ADAMTSL3: variants seen among roughly 807,000 people sequenced by gnomAD.
ADAMTSL3 encodes the protein ADAMTS-like protein 3.
ADAMTSL3 carries 128 observed loss-of-function variants against 201.7 expected under a neutral mutation model. That is an observed-to-expected ratio of 0.63 (90% CI 0.55 to 0.73). The LOEUF (loss-of-function observed/expected upper bound fraction) is 0.73, where lower values mean the gene tolerates loss of function less well. Among genes scored for constraint, ADAMTSL3 ranks in the 30% least tolerant of loss-of-function variants. The pLI, the probability that ADAMTSL3 is intolerant of heterozygous loss-of-function variation, is 0.00. For missense variants in ADAMTSL3, 1,990 were observed against 2,119.6 expected (o/e 0.94, Z 1.20); for synonymous variants, 738 against 748.4 (o/e 0.99, Z 0.23).
chr15:83,770,181 G>GA (rs2062957214), intron 3 of ADAMTSL3, among the ~76,000 whole-genome samples: 1 of 152,076 alleles, frequency 6.6e-6, no homozygotes, highest in Admixed American at 6.5e-5. Flanking sequence ...ATACATGCAT[G>GA]AAAAATGATA....
intron 3 of ADAMTSL3, among the ~76,000 whole-genome samples, chr15:83,713,332 G>C (rs1440383961): frequency 6.6e-6 from 1 of 152,188 alleles, no homozygotes; most frequent in Non-Finnish European, 1.5e-5. Flanking sequence ...CTCTGCGACT[G>C]AATGTGTGTT....
At chr15:83,801,472 G>A (rs2063512311) in intron 4 of ADAMTSL3, among the ~76,000 whole-genome samples, 1 of 150,880 alleles carries the variant, frequency 6.6e-6, no homozygotes, top group Non-Finnish European at 1.5e-5. Flanking sequence ...GAGAGTTTGA[G>A]AAAAACTGCA....
At chr15:83,804,319 A>T (rs1156786305) in intron 4 of ADAMTSL3, among the ~76,000 whole-genome samples, 2 of 152,190 alleles carry the variant, frequency 1.3e-5, no homozygotes, top group African/African-American at 4.8e-5. Context: ...TTCATTATAG[A>T]AAAGAATACA....
chr15:83,820,023 C>T lies in ADAMTSL3; in HGVS notation c.576C>T (p.Asp192=), dbSNP rs776025603. 37 of 1,614,140 alleles carry T rather than the reference C, an allele frequency of 2.3e-5. No homozygotes were observed. Among genetic ancestry groups the T allele is most frequent in the Non-Finnish European group, 2.9e-5 (34 of 1,180,010 alleles). ...DGTRCNTDSL[D]MCISGICQAV... is the part of the protein sequence containing the mutation. The stretch of plus-strand genomic sequence containing the variant: ...CTCGTTGCAACACGGACTCCTTGGA[C>T]ATGTGTATCAGTGGCATCTGTCAGG... The change falls in exon 6 of 30, where the codon GAC becomes GAT. Residue 192 remains aspartate (D), a synonymous_variant. Coordinates refer to ENST00000286744, the MANE Select transcript of ADAMTSL3 (RefSeq NM_207517.3).
chr15:83,685,983 TC>T (rs1555430090), intron 2 of ADAMTSL3, among the ~76,000 whole-genome samples: 2 of 148,602 alleles, frequency 1.3e-5, no homozygotes, highest in Non-Finnish European at 3.0e-5. Flanking sequence ...CTTTCCAGCC[TC>T]TTGCTGGCAG....
At chr15:83,786,636 C>T (rs573256194) in intron 4 of ADAMTSL3, among the ~76,000 whole-genome samples, 3 of 152,038 alleles carry the variant, frequency 2.0e-5, no homozygotes, top group Admixed American at 6.6e-5. Context: ...TTCTTTCCTT[C>T]GCTTCAAACC....
chr15:83,958,618 A>C (rs564305372), intron 19 of ADAMTSL3, among the ~76,000 whole-genome samples: 2 of 152,336 alleles, frequency 1.3e-5, no homozygotes, highest in South Asian at 4.1e-4. Context: ...ACCTCCAAAA[A>C]GATACAGTAA....
intron 2 of ADAMTSL3, among the ~76,000 whole-genome samples, chr15:83,679,770 A>G (rs542909339): frequency 5.3e-5 from 8 of 152,104 alleles, no homozygotes; most frequent in Admixed American, 5.2e-4. Context: ...CCCCCACTCT[A>G]TTTGTGAGGG....
At chr15:83,830,719 A>G (rs2064138244) in intron 6 of ADAMTSL3, among the ~76,000 whole-genome samples, 1 of 152,218 alleles carries the variant, frequency 6.6e-6, no homozygotes, top group South Asian at 2.1e-4. Flanking sequence ...GTTTAAAATC[A>G]GGGTATCAGC....
intron 3 of ADAMTSL3, among the ~76,000 whole-genome samples, chr15:83,729,748 T>A (rs1161308611): frequency 6.6e-6 from 1 of 152,110 alleles, no homozygotes; most frequent in East Asian, 1.9e-4. Context: ...ACTCCAGAAT[T>A]GGTCACTGGT....
At chr15:83,885,545 T>C (rs73441315) in intron 10 of ADAMTSL3, among the ~76,000 whole-genome samples, 39 of 152,292 alleles carry the variant, frequency 2.6e-4, no homozygotes, top group African/African-American at 8.7e-4. Flanking sequence ...TAATTTTCTA[T>C]GAAAAATCTG....
intron 11 of ADAMTSL3, 27 bp from the exon 12 acceptor site, chr15:83,891,302 A>C (rs1440717392): frequency 6.5e-7 from 1 of 1,543,996 alleles, no homozygotes; most frequent in South Asian, 1.1e-5. Flanking sequence ...TATAGAAATG[A>C]TATTCTCACA....
chr15:83,945,924 C>A (rs2066647011), intron 19 of ADAMTSL3: 1 of 152,160 alleles, frequency 6.6e-6, no homozygotes, highest in African/African-American at 2.4e-5. Flanking sequence ...GGTGAGTTAG[C>A]CCTTACATGT....
intron 3 of ADAMTSL3, among the ~76,000 whole-genome samples, chr15:83,707,865 C>G (rs1348057105): frequency 6.6e-6 from 1 of 152,160 alleles, no homozygotes; most frequent in Non-Finnish European, 1.5e-5. Flanking sequence ...TTGCAGCATA[C>G]TGGGTGGCAT....
intron 27 of ADAMTSL3, among the ~76,000 whole-genome samples, chr15:84,030,414 C>T (rs753348215): frequency 2.6e-5 from 4 of 152,262 alleles, no homozygotes; most frequent in Middle Eastern, 3.4e-3. Flanking sequence ...GAGATCATAT[C>T]GGAACTTTAA....
In ADAMTSL3 at chr15:84,021,735, A is replaced by G. The variant is rs145813726; in HGVS notation, c.4457+142A>G. The G allele has an allele frequency of 4.2e-3, 3,718 of 895,814 alleles. 15 individuals carry two copies. Among genetic ancestry groups the G allele is most frequent in the Middle Eastern group, 5.3e-3 (15 of 2,840 alleles). 55.5% of individuals were successfully genotyped at this position (895,814 alleles called of 1,614,324 possible). On this transcript the variant is annotated intron_variant, in intron 26 of 29. Transcript: ENST00000286744. ...CTAGGCATCCTGCTAAGTGCTTTAC[A>G]TGGATCACAGTGTCCTGTGAGGTAG...
chr15:83,774,403 T>C (rs2063037407), intron 4 of ADAMTSL3, among the ~76,000 whole-genome samples: 1 of 152,244 alleles, frequency 6.6e-6, no homozygotes, highest in South Asian at 2.1e-4. Flanking sequence ...ATATTTTGGC[T>C]GGAGTTTGGA....
chr15:83,991,996 A>G (rs548320765), intron 23 of ADAMTSL3, among the ~76,000 whole-genome samples: 1 of 152,256 alleles, frequency 6.6e-6, no homozygotes, highest in African/African-American at 2.4e-5. Flanking sequence ...TCCTTAGAGA[A>G]ACTTATGAAC....
chr15:83,939,096 A>G (rs2066510380), intron 17 of ADAMTSL3, among the ~76,000 whole-genome samples: 1 of 152,204 alleles, frequency 6.6e-6, no homozygotes, highest in South Asian at 2.1e-4. Flanking sequence ...TGATTTTCCA[A>G]GGTTGAACCA....
Sources: gnomAD v4.1 joint callset for allele counts (sites outside exome capture counted in the v4.1 genomes callset) on GRCh38, gnomAD v4.1.1 for gene constraint, MANE v1.5 for transcripts, NCBI Gene and HGNC (gene_info 2026-07-23, HGNC 2026-07-21) for gene names.